The following CSTPP1 variants were observed in gnomAD, a reference collection of about 807,000 sequenced individuals.
The protein encoded by CSTPP1 is UPF0705 protein C11orf49.
chr11:47,097,567 G>A, the CSTPP1 span, among the ~76,000 whole-genome samples: 1 of 64,728 alleles, frequency 1.5e-5, no homozygotes, highest in African/African-American at 6.3e-5. Context: ...CAGCCGCCCC[G>A]TCCGGGAGGG....
chr11:46,978,100 T>C, the CSTPP1 span, among the ~76,000 whole-genome samples: 1 of 152,206 alleles, frequency 6.6e-6, no homozygotes, highest in Non-Finnish European at 1.5e-5. Flanking sequence ...AAGTAAATAT[T>C]TGAATGTCTA....
chr11:47,146,365 CAAAAAAAA>C, the CSTPP1 span, among the ~76,000 whole-genome samples: 1 of 73,824 alleles, frequency 1.4e-5, no homozygotes, highest in Admixed American at 1.4e-4. Context: ...AACTCTGTCT[CAAAAAAAA>C]AAAAAAAAAA....
chr11:47,103,603 T>C, the CSTPP1 span: 2 of 151,994 alleles, frequency 1.3e-5, no homozygotes, highest in Non-Finnish European at 2.9e-5. Flanking sequence ...AAAATTGACT[T>C]GCTACATACT....
chr11:47,157,922 GGTAAGTCAGA>G, the CSTPP1 span: 2 of 1,612,582 alleles, frequency 1.2e-6, no homozygotes, highest in African/African-American at 2.7e-5. Flanking sequence ...CCAAGCCCTC[GGTAAGTCAGA>G]GCTAAGCAGC....
At chr11:47,160,899 G>A in the CSTPP1 span, 16 of 576,018 alleles carry the variant, frequency 2.8e-5, no homozygotes, top group East Asian at 4.9e-4. Context: ...TGTGGTGTCT[G>A]CCCCAGGCAG....
At chr11:47,052,254 CTAGAGTT>C in the CSTPP1 span, 1 of 1,160,042 alleles carries the variant, frequency 8.6e-7, no homozygotes, top group African/African-American at 1.6e-5. Flanking sequence ...TAGGTCTAAT[CTAGAGTT>C]CAGAGTTTTG....
the CSTPP1 span, among the ~76,000 whole-genome samples, chr11:47,098,588 C>G: frequency 2.0e-5 from 3 of 151,422 alleles, no homozygotes; most frequent in Non-Finnish European, 4.4e-5. Flanking sequence ...ACACTGCAGC[C>G]TCTGCCTCTT....
chr11:47,030,175 A>G, the CSTPP1 span, among the ~76,000 whole-genome samples: 2 of 152,194 alleles, frequency 1.3e-5, no homozygotes, highest in African/African-American at 2.4e-5. Context: ...GACAAGTTCA[A>G]TTCCAATTCT....
At chr11:47,157,358 G>A in the CSTPP1 span, 5 of 980,298 alleles carry the variant, frequency 5.1e-6, no homozygotes. Flanking sequence ...AGTGCCATTT[G>A]CCCCCAAACC....
the CSTPP1 span, chr11:47,164,179 A>C: frequency 1.9e-6 from 3 of 1,614,048 alleles, no homozygotes; most frequent in Non-Finnish European, 2.5e-6. Flanking sequence ...AGAGAGAAGC[A>C]GGAGGCCCTG....
At chr11:47,079,367 G>A in the CSTPP1 span, among the ~76,000 whole-genome samples, 1 of 152,172 alleles carries the variant, frequency 6.6e-6, no homozygotes, top group Non-Finnish European at 1.5e-5. Flanking sequence ...GGAAGAAATA[G>A]ATAAAGCATT....
the CSTPP1 span, among the ~76,000 whole-genome samples, chr11:47,025,328 T>C: frequency 6.6e-6 from 1 of 152,168 alleles, no homozygotes; most frequent in Non-Finnish European, 1.5e-5. Context: ...ATAGGACATG[T>C]TGAGATGATA....
chr11:47,038,284 C>T, the CSTPP1 span, among the ~76,000 whole-genome samples: 15 of 104,500 alleles, frequency 1.4e-4, no homozygotes, highest in South Asian at 6.8e-4. Context: ...GGGGGGCTGA[C>T]CCCCCCACCT....
the CSTPP1 span, chr11:47,041,626 A>G: frequency 7.3e-6 from 3 of 412,908 alleles, 1 homozygote; most frequent in South Asian, 2.0e-5. Context: ...CTTCTTGCTC[A>G]TGCTCAGCAT....
At chr11:47,073,130 A>G in the CSTPP1 span, among the ~76,000 whole-genome samples, 3 of 152,212 alleles carry the variant, frequency 2.0e-5, no homozygotes, top group African/African-American at 7.2e-5. Flanking sequence ...TTTTATAATC[A>G]TAGTAAAAAT....
chr11:47,161,269 A>C, the CSTPP1 span: 6 of 1,611,080 alleles, frequency 3.7e-6, no homozygotes, highest in South Asian at 1.1e-5. Context: ...TCTGGGGCCA[A>C]CACCACTTGT....
chr11:46,984,608 A>C, the CSTPP1 span, among the ~76,000 whole-genome samples: 1 of 152,012 alleles, frequency 6.6e-6, no homozygotes. Flanking sequence ...AGAAGGACAA[A>C]AGTACTTTGA....
At chr11:47,160,032 G>A in the CSTPP1 span, 7 of 239,076 alleles carry the variant, frequency 2.9e-5, no homozygotes, top group Non-Finnish European at 5.8e-5. Flanking sequence ...GCCAGACATG[G>A]TGGCTCCACC....
chr11:47,122,307 T>G, the CSTPP1 span, among the ~76,000 whole-genome samples: 4 of 151,398 alleles, frequency 2.6e-5, no homozygotes, highest in African/African-American at 9.7e-5. Context: ...AAACATAGAA[T>G]TATAAAAGAT....
Sources: gnomAD v4.1 joint callset for allele counts (sites outside exome capture counted in the v4.1 genomes callset) on GRCh38, gnomAD v4.1.1 for gene constraint, MANE v1.5 for transcripts, NCBI Gene and HGNC (gene_info 2026-07-23, HGNC 2026-07-21) for gene names.